The following RHOT1 variants were observed in gnomAD, a reference collection of about 807,000 sequenced individuals.
RHOT1 encodes the protein mitochondrial Rho GTPase 1.
RHOT1 carries 27 observed loss-of-function variants against 95.3 expected under a neutral mutation model. The ratio of observed to expected loss-of-function variants is 0.28; its 90% CI spans 0.21 to 0.39. The LOEUF is 0.39. RHOT1 is among the 10% of genes least tolerant of loss of function. The pLI, the probability that RHOT1 is intolerant of heterozygous loss-of-function variation, is 1.00. For synonymous variants in RHOT1, 227 were observed against 263.5 expected, an observed-to-expected ratio of 0.86 and a Z score of 1.34; for missense variants, 578 against 786.7, an observed-to-expected ratio of 0.73 and a Z score of 3.17.
rs2039054004 is a variant in RHOT1 at position 32,225,012 on chromosome 17, C to T, written c.*279C>T. The T allele has an allele frequency of 4.9e-6, 1 of 205,442 alleles. No homozygotes were observed. 12.7% of individuals were successfully genotyped at this position (205,442 alleles called of 1,614,324 possible). ...TACATATTCAGGCAAGATATGGTCT[C>T]CCAAGCTGAGTTCTAGAAATGATGT... is the stretch of plus-strand genomic sequence containing the variant. On this transcript the variant is annotated 3_prime_UTR_variant, in exon 20 of 20. Transcript: ENST00000545287.
rs142061023 is a variant in RHOT1, at chr17:32,176,329, G to A, written c.329+116G>A. 2.6e-3 allele frequency: 2,002 copies of A among 765,810 alleles called. 9 individuals are homozygous for A. The highest frequency in any genetic ancestry group is 8.3e-3 in the Middle Eastern group (22 of 2,640). The allele number at this position is 765,810 out of a possible 1,614,324, so 47.4% of individuals were successfully genotyped here. A position where few individuals can be genotyped will look rare whatever the true frequency, so the allele number is the denominator to read the frequency against. On this transcript the variant is annotated intron_variant, in intron 6 of 19. Transcript: ENST00000545287. Reference sequence around the variant, plus strand: ...CCTTCACTTAAATTTACTAGGTAACGTTTTGCCACGTTTGCCTTATCTATC... The same window carrying A: ...CCTTCACTTAAATTTACTAGGTAACATTTTGCCACGTTTGCCTTATCTATC...
At chr17:32,204,110 A>G in intron 16 of RHOT1, 137 bp downstream of exon 16, 1 of 636,450 alleles carries the variant, frequency 1.6e-6, no homozygotes, top group Non-Finnish European at 2.6e-6. Context: ...AATTTTTTTT[A>G]GAGACACGGT....
At chr17:32,151,724 T>C (rs1032809945) in intron 1 of RHOT1, among the ~76,000 whole-genome samples, 1 of 151,560 alleles carries the variant, frequency 6.6e-6, no homozygotes, top group African/African-American at 2.4e-5. Context: ...CTACTAAAAA[T>C]ACAAAAAATT....
At chr17:32,175,608 C>T (rs1567678562) in intron 4 of RHOT1, among the ~76,000 whole-genome samples, 1 of 152,164 alleles carries the variant, frequency 6.6e-6, no homozygotes, top group Non-Finnish European at 1.5e-5. Context: ...AGGCATGCAC[C>T]ACCATGCCCA....
intron 8 of RHOT1, among the ~76,000 whole-genome samples, chr17:32,185,390 G>A (rs1013648505): frequency 3.5e-4 from 54 of 152,142 alleles, no homozygotes; most frequent in African/African-American, 9.9e-4. Flanking sequence ...AATTATAGGC[G>A]TGAACTACTG....
chr17:32,168,703 C>G (rs1490072749), intron 1 of RHOT1, among the ~76,000 whole-genome samples: 1 of 151,318 alleles, frequency 6.6e-6, no homozygotes, highest in South Asian at 2.1e-4. Context: ...TCACCATTCC[C>G]TTTCGGTGTT....
At position 32,142,674 on chromosome 17, in the gene RHOT1, G is replaced by GC. The variant is rs905006837; in HGVS notation, c.-14dup. The GC allele has an allele frequency of 2.1e-5, 32 of 1,527,042 alleles. No individual in the cohort carries two copies. The highest frequency in any genetic ancestry group is 4.6e-4 in the Middle Eastern group (2 of 4,308). 94.6% of individuals were successfully genotyped at this position (1,527,042 alleles called of 1,614,324 possible). ...ACTCCGTGCGTGCGGGCGGAGGCCG[G>GC]CCCCCGAGAGCCGCCGACATGAAGA... On this transcript the variant is annotated 5_prime_UTR_variant, in exon 1 of 20. Transcript: ENST00000545287.
chr17:32,206,761 A>G, intron 16 of RHOT1, 149 bp from the exon 17 acceptor site: 3 of 634,652 alleles, frequency 4.7e-6, no homozygotes, highest in Non-Finnish European at 7.8e-6. Context: ...CCTTGTCTAT[A>G]CTTTCTACTT....
intron 19 of RHOT1, among the ~76,000 whole-genome samples, chr17:32,216,318 T>C (rs1028730931): frequency 6.6e-6 from 1 of 152,176 alleles, no homozygotes; most frequent in South Asian, 2.1e-4. Flanking sequence ...TTCTAACCTG[T>C]TATTTAATCA....
chr17:32,167,395 T>G (rs937694013), intron 1 of RHOT1, among the ~76,000 whole-genome samples: 1 of 152,000 alleles, frequency 6.6e-6, no homozygotes, highest in Non-Finnish European at 1.5e-5. Flanking sequence ...AGTGCAATCT[T>G]GGCTCACTGC....
chr17:32,200,083 A>G (rs1049287691), intron 13 of RHOT1, among the ~76,000 whole-genome samples: 15 of 151,712 alleles, frequency 9.9e-5, no homozygotes, highest in African/African-American at 3.4e-4. Flanking sequence ...TTCACTCAGC[A>G]CATTGTGGAC....
intron 15 of RHOT1, 83 bp from the exon 16 acceptor site, chr17:32,203,807 C>A: frequency 1.1e-6 from 1 of 924,238 alleles, no homozygotes; most frequent in Non-Finnish European, 1.8e-6. Flanking sequence ...ATTTATAACA[C>A]ACCTGCACAT....
At chr17:32,192,761 GC>G (rs1419433941) in intron 9 of RHOT1, among the ~76,000 whole-genome samples, 1 of 148,712 alleles carries the variant, frequency 6.7e-6, no homozygotes, top group Non-Finnish European at 1.5e-5. Flanking sequence ...AACCTCCGCT[GC>G]CCGGGTTCAA....
rs9892317 is a variant in RHOT1, at chr17:32,190,165, T to C, written c.541-2036T>C. Among the ~76,000 whole-genome samples the C allele has an allele frequency of 3.7e-3, 559 of 152,154 alleles. 2 individuals carry two copies. Among genetic ancestry groups the C allele is most frequent in the African/African-American group, 0.013 (527 of 41,540 alleles). ...TTGCATTTCAAGCTTTAATGAAAAGTGCATCGTTGGCCGGGCGCAATGGAT... is the reference window on the plus strand; with the variant it reads ...TTGCATTTCAAGCTTTAATGAAAAGCGCATCGTTGGCCGGGCGCAATGGAT... On this transcript the variant is annotated intron_variant, in intron 8 of 19. Transcript: ENST00000545287.
At chr17:32,199,138 A>G in intron 12 of RHOT1, 107 bp downstream of exon 12, 1 of 902,586 alleles carries the variant, frequency 1.1e-6, no homozygotes. Context: ...ATAGCCAAAA[A>G]CTGCTTAACC....
At chr17:32,149,760 T>G (rs371378085) in intron 1 of RHOT1, among the ~76,000 whole-genome samples, 12 of 151,078 alleles carry the variant, frequency 7.9e-5, no homozygotes, top group Admixed American at 2.0e-4. Context: ...CACATATATA[T>G]ATAGAGAGAA....
At chr17:32,151,253 A>C in intron 1 of RHOT1, 1 of 708,160 alleles carries the variant, frequency 1.4e-6, no homozygotes, top group Non-Finnish European at 2.7e-6. Context: ...TTGGCGGGTG[A>C]ATGAAGTACA....
At chr17:32,214,962 A>C (rs571067606) in intron 19 of RHOT1, among the ~76,000 whole-genome samples, 6 of 124,746 alleles carry the variant, frequency 4.8e-5, no homozygotes, top group African/African-American at 1.9e-4. Context: ...GCGGGAGTGC[A>C]GTGGCATGAT....
chr17:32,211,074 T>C, intron 18 of RHOT1, 42 bp from the exon 19 acceptor site: 1 of 1,558,780 alleles, frequency 6.4e-7, no homozygotes, highest in Non-Finnish European at 8.7e-7. Context: ...GCCATATTTG[T>C]AAGTAAGAAC....
Sources: allele counts gnomAD v4.1 joint callset (sites outside exome capture counted in the v4.1 genomes callset), GRCh38; gene constraint gnomAD v4.1.1; transcripts MANE v1.5; gene names NCBI Gene and HGNC (gene_info 2026-07-23, HGNC 2026-07-21).